C1QTNF6: variants seen among roughly 807,000 people sequenced by gnomAD.
C1QTNF6 encodes the protein C1q and TNF related 6.
Under a neutral mutation model 20.7 loss-of-function variants are expected in C1QTNF6, and 17 were observed. That is an observed-to-expected ratio of 0.82 (90% confidence interval 0.56 to 1.23). C1QTNF6 has a LOEUF of 1.23. C1QTNF6 is among the 50% of genes most tolerant of loss of function. The pLI, the probability that C1QTNF6 is intolerant of heterozygous loss-of-function variation, is 0.00. For missense variants in C1QTNF6, 329 were observed against 389.7 expected (o/e 0.84, Z 1.31); for synonymous variants, 130 against 156.3 (o/e 0.83, Z 1.25).
upstream of C1QTNF6, among the ~76,000 whole-genome samples, chr22:37,199,161 G>C (rs953761061): frequency 2.6e-5 from 4 of 152,230 alleles, no homozygotes; most frequent in African/African-American, 9.6e-5. Context: ...CTGCTGGGGC[G>C]TGCGGCTGGC....
intron 1 of C1QTNF6, among the ~76,000 whole-genome samples, chr22:37,186,751 G>A (rs1973296900): frequency 6.6e-6 from 1 of 152,190 alleles, no homozygotes; most frequent in Non-Finnish European, 1.5e-5. Context: ...AACCAGACTG[G>A]TTTTTACACT....
At chr22:37,185,816 A>C (rs1379143762) in intron 1 of C1QTNF6, 57 of 1,003,586 alleles carry the variant, frequency 5.7e-5, no homozygotes, top group Non-Finnish European at 6.4e-5. Flanking sequence ...AAGATGCCCC[A>C]GCTGGCCATG....
intron 1 of C1QTNF6, chr22:37,185,682 C>T: frequency 8.1e-7 from 1 of 1,234,842 alleles, no homozygotes; most frequent in Non-Finnish European, 1.0e-6. Flanking sequence ...CATGCTGAGT[C>T]TCCGGGCACC....
At chr22:37,186,548 G>A (rs572122530) in intron 1 of C1QTNF6, among the ~76,000 whole-genome samples, 1 of 152,370 alleles carries the variant, frequency 6.6e-6, no homozygotes, top group Admixed American at 6.5e-5. Flanking sequence ...AAGTGTTGGT[G>A]AGGATCTGTC....
chr22:37,190,161 T>A (rs1924718953), upstream of C1QTNF6, among the ~76,000 whole-genome samples: 1 of 152,204 alleles, frequency 6.6e-6, no homozygotes, highest in Non-Finnish European at 1.5e-5. Flanking sequence ...TGTACCATAT[T>A]TTTTGAAACA....
rs762878625 is a variant in C1QTNF6, at chr22:37,181,977, C to T, written c.*211G>A. The T allele has an allele frequency of 1.0e-5, 6 of 592,762 alleles. No homozygotes were observed. Among genetic ancestry groups the T allele is most frequent in the Non-Finnish European group, 1.7e-5 (6 of 344,788 alleles). The allele number at this position is 592,762 out of a possible 1,614,324, so 36.7% of individuals were successfully genotyped here. A position where few individuals can be genotyped will look rare whatever the true frequency, so the allele number is the denominator to read the frequency against. ...GAAAGTTCTAGAATATTTAGGTTAG[C>T]AAGCTTCTTAAAATAGGTCCAAGAG... On this transcript the variant is annotated 3_prime_UTR_variant, in exon 3 of 3. Coordinates refer to ENST00000337843, the MANE Select transcript of C1QTNF6 (RefSeq NM_031910.4).
intron 1 of C1QTNF6, chr22:37,185,660 G>A: frequency 7.8e-7 from 1 of 1,278,922 alleles, no homozygotes; most frequent in Non-Finnish European, 9.9e-7. Context: ...GAGACTGGCA[G>A]GGCAGGGCCT....
upstream of C1QTNF6, chr22:37,198,415 C>G (rs545815129): frequency 6.6e-6 from 1 of 152,248 alleles, no homozygotes; most frequent in South Asian, 2.1e-4. Context: ...CACGTTCCAG[C>G]CCAGGGTCAG....
chr22:37,195,310 AC>A (rs1036174596), intron 2 of C1QTNF6: 14 of 152,120 alleles, frequency 9.2e-5, no homozygotes, highest in Middle Eastern at 3.2e-3. Context: ...GGGGCCTTTA[AC>A]CCCCTATTTC....
upstream of C1QTNF6, among the ~76,000 whole-genome samples, chr22:37,189,697 C>A (rs1314770140): frequency 6.6e-6 from 1 of 152,152 alleles, no homozygotes; most frequent in Non-Finnish European, 1.5e-5. Flanking sequence ...AAGGTGATAT[C>A]TGGAAGATTA....
At chr22:37,189,018 A>G (rs926786507), upstream of C1QTNF6, among the ~76,000 whole-genome samples, 2 of 152,222 alleles carry the variant, frequency 1.3e-5, no homozygotes, top group African/African-American at 4.8e-5. Context: ...GGCTATTTTT[A>G]TAGTTATTTC....
At chr22:37,197,633 G>T (rs1026875156) in exon 1 of C1QTNF6, 1 of 152,266 alleles carries the variant, frequency 6.6e-6, no homozygotes, top group East Asian at 1.9e-4. Flanking sequence ...TTTGGCTCCC[G>T]GCCATGCAAT....
chr22:37,185,541 T>C (rs1158491262), intron 1 of C1QTNF6, 86 bp from the exon 2 acceptor site: 10 of 1,440,106 alleles, frequency 6.9e-6, no homozygotes, highest in African/African-American at 2.8e-5. Flanking sequence ...TGCTGCGTCC[T>C]CCAGCCACAG....
At chr22:37,191,302 G>C (rs1924806230), upstream of C1QTNF6, among the ~76,000 whole-genome samples, 2 of 152,112 alleles carry the variant, frequency 1.3e-5, no homozygotes, top group South Asian at 4.1e-4. Context: ...ATGTCCATTA[G>C]TATTGATAAT....
chr22:37,185,279 G>T lies in C1QTNF6; in HGVS notation c.228C>A (p.Ser76=), dbSNP rs745596249. 1 of 1,610,290 alleles carries T rather than the reference G, an allele frequency of 6.2e-7. No individual in the cohort carries two copies. The highest frequency in any genetic ancestry group is 1.1e-5 in the South Asian group (1 of 90,750). The part of the protein sequence containing the change: ...LDPAHVSSAS[S]SGRPHALPEI... ...CAGGCAGGGCGTGGGGGCGGCCGGA[G>T]GAAGAGGCTGAGGATACATGGGCAG... is the stretch of plus-strand genomic sequence containing the variant. Residue 76 remains serine, a synonymous_variant, in exon 2 of 3, where the codon TCC becomes TCA. Coordinates refer to ENST00000337843, the MANE Select transcript of C1QTNF6 (RefSeq NM_031910.4).
chr22:37,196,556 T>G (rs1314256597), intron 1 of C1QTNF6: 1 of 152,244 alleles, frequency 6.6e-6, no homozygotes, highest in Admixed American at 6.5e-5. Context: ...TTACTTCAAC[T>G]AGTCCTAGGG....
chr22:37,188,709 C>T (rs1017153248), upstream of C1QTNF6, among the ~76,000 whole-genome samples: 4 of 152,232 alleles, frequency 2.6e-5, no homozygotes, highest in Non-Finnish European at 2.9e-5. Flanking sequence ...ACCACAGTCG[C>T]GTCGCCTCTC....
chr22:37,193,343 C>T (rs955278378), intron 2 of C1QTNF6, among the ~76,000 whole-genome samples: 8 of 152,212 alleles, frequency 5.3e-5, no homozygotes, highest in African/African-American at 1.9e-4. Flanking sequence ...ACAGAGGTTT[C>T]TCCCAAAACA....
chr22:37,188,011 C>T lies in C1QTNF6; in HGVS notation c.51+152G>A, dbSNP rs1445064682. ...GTGGAGCGCAGCCCTCAGCCAGAGG[C>T]AGGAGGAAATGTGGAGGGGAGAGCC... On this transcript the variant is annotated intron_variant, in intron 1 of 2. Coordinates refer to ENST00000337843, the MANE Select transcript of C1QTNF6 (RefSeq NM_031910.4). 10 of 754,024 alleles carry T rather than the reference C, an allele frequency of 1.3e-5. No homozygotes were observed. In the East Asian group the frequency reaches 3.0e-4, roughly 23 times the overall value. 46.7% of individuals were successfully genotyped at this position (754,024 alleles called of 1,614,324 possible).
Sources: allele counts gnomAD v4.1 joint callset (sites outside exome capture counted in the v4.1 genomes callset), GRCh38; gene constraint gnomAD v4.1.1; transcripts MANE v1.5; gene names NCBI Gene and HGNC (gene_info 2026-07-23, HGNC 2026-07-21).